CLCN1: variants seen among roughly 807,000 people sequenced by gnomAD.
CLCN1 encodes chloride channel protein 1.
A neutral mutation model predicts 114.5 loss-of-function variants in CLCN1; 100 were observed. The ratio of observed to expected loss-of-function variants is 0.87; its 90% confidence interval spans 0.74 to 1.03. The LOEUF is 1.03. CLCN1 is among the 50% of genes least tolerant of loss of function. The pLI, the probability that CLCN1 is intolerant of heterozygous loss-of-function variation, is 0.00. For missense variants in CLCN1, 1,188 were observed against 1,250.0 expected, an observed-to-expected ratio of 0.95 and a Z score of 0.75; for synonymous variants, 485 against 487.1, an observed-to-expected ratio of 1.00 and a Z score of 0.06.
chr7:143,323,360 A>G lies in CLCN1; in HGVS notation c.748A>G (p.Met250Val). 6.2e-7 allele frequency: 1 copy of G among 1,613,088 alleles called. No homozygotes were observed. The highest frequency in any genetic ancestry group is 8.5e-7 in the Non-Finnish European group (1 of 1,179,562). Reference sequence around the variant, plus strand: ...CTGTGCTGCTGTCCTCAGCAAATTCATGTCTGTGTTCTGCGGGGTATATGA... The same window carrying G: ...CTGTGCTGCTGTCCTCAGCAAATTCGTGTCTGTGTTCTGCGGGGTATATGA... ...SICAAVLSKF[M>V]SVFCGVYEQP... The change falls in exon 6 of 23, where the codon ATG (methionine) becomes GTG (valine). Residue 250 changes from methionine (M) to valine (V), a missense_variant. By Grantham distance (21) the Met-to-Val change is conservative. Coordinates refer to ENST00000343257, the MANE Select transcript of CLCN1 (RefSeq NM_000083.3).
At position 143,316,378 on chromosome 7, in the gene CLCN1, G is replaced by A. The variant is rs202120426; in HGVS notation, c.166G>A (p.Val56Ile). 1.1e-5 allele frequency: 18 copies of A among 1,612,942 alleles called. No individual in the cohort carries two copies. The highest frequency in any genetic ancestry group is 1.6e-4 in the Middle Eastern group (1 of 6,084). Residue 56 changes from valine (V) to isoleucine (I), a missense_variant, in exon 1 of 23, where the codon GTC (valine) becomes ATC (isoleucine). By Grantham distance (29) the Val-to-Ile change is conservative (BLOSUM62 3). Transcript: ENST00000343257. ...LRKDAGPRHN[V>I]HPTQIYGHHK... ...GAAGGATGCAGGCCCCCGCCACAAC[G>A]TCCACCCCACACAGGTAAAGTGCTC...
In CLCN1 at chr7:143,324,243, A is replaced by G. The variant is rs1433824305; in HGVS notation, c.775-171A>G. 1.3e-5 allele frequency among the ~76,000 whole-genome samples: 2 copies of G among 151,932 alleles called. No homozygotes were observed. The highest frequency in any genetic ancestry group is 3.9e-4 in the East Asian group (2 of 5,174). ...CTATGAGGTTAATTCCTTTTTGCCA[A>G]ACTCACTGAGTTTCTCTTGGCCTGG... On this transcript the variant is annotated intron_variant, in intron 6 of 22. Transcript: ENST00000343257. This position sits in a 1 kb window ranked among gnomAD's most constrained non-coding sequence, Gnocchi z 4.6.
intron 7 of CLCN1, among the ~76,000 whole-genome samples, chr7:143,329,377 A>G (rs1440794414): frequency 6.6e-6 from 1 of 152,176 alleles, no homozygotes; most frequent in African/African-American, 2.4e-5. Context: ...TGAAGGACGG[A>G]TGGTTTCGAC....
intron 10 of CLCN1, 103 bp downstream of exon 10, chr7:143,331,755 C>T (rs763748742): frequency 6.2e-6 from 5 of 805,278 alleles, no homozygotes; most frequent in Non-Finnish European, 1.1e-5. Flanking sequence ...CTCTGGGTGG[C>T]TTGCATTAAA....
chr7:143,330,707 G>A (rs1802697271), intron 7 of CLCN1, 65 bp from the exon 8 acceptor site: 1 of 1,610,024 alleles, frequency 6.2e-7, no homozygotes, highest in South Asian at 1.1e-5. Context: ...GGTCCAAGCA[G>A]TGGGGAGTGT....
At position 143,316,207 on chromosome 7, in the gene CLCN1, G is replaced by A. The variant is rs1802287341; in HGVS notation, c.-6G>A. On this transcript the variant is annotated 5_prime_UTR_variant, in exon 1 of 23. Coordinates refer to ENST00000343257, the MANE Select transcript of CLCN1 (RefSeq NM_000083.3). ...AAGGCCTGGCCGGGGCTCGGGGGGA[G>A]GGAATATGGAGCAATCCCGGTCACA... The A allele has an allele frequency of 1.2e-6, 2 of 1,611,210 alleles. No individual in the cohort carries two copies. Among genetic ancestry groups the A allele is most frequent in the Middle Eastern group, 1.7e-4 (1 of 6,060 alleles).
rs202119213 is a variant in CLCN1 at position 143,332,457 on chromosome 7, C to T, written c.1205C>T (p.Ala402Val). 7.5e-5 allele frequency: 121 copies of T among 1,614,076 alleles called. No individual in the cohort carries two copies. The East Asian group carries it at 2.4e-3, about 32-fold the overall frequency. ...CCTGGAATTGTTACCTTTGTCATTGCCTCATTCACCTTCCCACCAGGAATG... is the reference window on the plus strand; with the variant it reads ...CCTGGAATTGTTACCTTTGTCATTGTCTCATTCACCTTCCCACCAGGAATG... ...LYPGIVTFVI[A>V]SFTFPPGMGQ... is the part of the protein sequence containing the mutation. The change falls in exon 11 of 23, where the codon GCC (alanine) becomes GTC (valine). Residue 402 changes from alanine (A) to valine (V), a missense_variant. Coordinates refer to ENST00000343257, the MANE Select transcript of CLCN1 (RefSeq NM_000083.3).
chr7:143,324,642 T>C lies in CLCN1; in HGVS notation c.853+150T>C. The C allele has an allele frequency of 2.8e-6, 2 of 715,838 alleles. No individual in the cohort carries two copies. Among genetic ancestry groups the C allele is most frequent in the South Asian group, 3.0e-5 (2 of 66,910 alleles). The allele number at this position is 715,838 out of a possible 1,614,324, so 44.3% of individuals were successfully genotyped here. A position where few individuals can be genotyped will look rare whatever the true frequency, so the allele number is the denominator to read the frequency against. On this transcript the variant is annotated intron_variant, in intron 7 of 22. Transcript: ENST00000343257. The surrounding 1 kb of genome is among the most constrained non-coding windows in gnomAD (Gnocchi z 4.6). ...GCCTTTGCTATGTGCCAGGCAATGTTTAAAGCACTTACTTTTATTCCTGGC... is the reference window on the plus strand; with the variant it reads ...GCCTTTGCTATGTGCCAGGCAATGTCTAAAGCACTTACTTTTATTCCTGGC...
rs1803094371 is a variant in CLCN1, at chr7:143,342,086, C to T, written c.1740C>T (p.Ser580=). Residue 580 remains serine, a synonymous_variant, in exon 15 of 23, where the codon AGC becomes AGT. Transcript: ENST00000343257. ...GCCTGCAGCCCTCTCTCTATGACAG[C>T]ATCATCCAGGTCAAGAAGCTACCCT... ...AQSLQPSLYD[S]IIQVKKLPYL... 6 of 1,614,206 alleles carry T rather than the reference C, an allele frequency of 3.7e-6. No individual in the cohort carries two copies. The highest frequency in any genetic ancestry group is 1.3e-5 in the African/African-American group (1 of 75,056).
At chr7:143,341,554 G>A (rs1675709745) in intron 14 of CLCN1, among the ~76,000 whole-genome samples, 1 of 135,006 alleles carries the variant, frequency 7.4e-6, no homozygotes, top group African/African-American at 2.9e-5. Context: ...GTGAGACTCT[G>A]CCTCAAATAA....
chr7:143,341,867 A>C lies in CLCN1; in HGVS notation c.1583-62A>C, dbSNP rs117799198. 0.048 allele frequency: 62,826 copies of C among 1,318,930 alleles called. 1,707 individuals are homozygous for C. The highest frequency in any genetic ancestry group is 0.078 in the Middle Eastern group (307 of 3,936). 81.7% of individuals were successfully genotyped at this position (1,318,930 alleles called of 1,614,324 possible). A position where few individuals can be genotyped will look rare whatever the true frequency, so the allele number is the denominator to read the frequency against. Reference sequence around the variant, plus strand: ...TCCGTGTTATTCCCATCCCATCCCCATATGTCCTTCATGCTAAGAACGGTA... The same window carrying C: ...TCCGTGTTATTCCCATCCCATCCCCCTATGTCCTTCATGCTAAGAACGGTA... On this transcript the variant is annotated intron_variant, in intron 14 of 22. Coordinates refer to ENST00000343257, the MANE Select transcript of CLCN1 (RefSeq NM_000083.3).
Position 143,316,326 on chromosome 7 carries a change from G to T in CLCN1, c.114G>T (p.Glu38Asp), listed in dbSNP as rs1347626545. 6.2e-7 allele frequency: 1 copy of T among 1,613,190 alleles called. No individual in the cohort carries two copies. Among genetic ancestry groups the T allele is most frequent in the East Asian group, 2.2e-5 (1 of 44,868 alleles). ...GCACCAGCTACGGACTGCCCTCTGA[G>T]AATGGGGGCCTCCAGCACAGGCTCC... ...EHCTSYGLPS[E>D]NGGLQHRLRK... Residue 38 changes from glutamate to aspartate, a missense_variant, in exon 1 of 23, where the codon GAG becomes GAT. Coordinates refer to ENST00000343257, the MANE Select transcript of CLCN1 (RefSeq NM_000083.3).
intron 8 of CLCN1, 103 bp from the exon 9 acceptor site, chr7:143,331,129 G>C: frequency 9.4e-7 from 1 of 1,060,186 alleles, no homozygotes; most frequent in Non-Finnish European, 1.5e-6. Flanking sequence ...GAGAAACTGG[G>C]ATTGGAGGAA....
intron 12 of CLCN1, among the ~76,000 whole-genome samples, chr7:143,334,906 G>A (rs1334793158): frequency 1.3e-5 from 2 of 152,144 alleles, no homozygotes; most frequent in Admixed American, 1.3e-4. Context: ...TCATTATAGA[G>A]TTCATCTTCT....
Position 143,323,648 on chromosome 7 carries a change from C to T in CLCN1, c.774+262C>T. ...TGGAGGTCTGGTCTGTCGTCTGCTC[C>T]CATGCTCTCCCTGCTAGTCCATACC... is the stretch of plus-strand genomic sequence containing the variant. On this transcript the variant is annotated intron_variant, in intron 6 of 22. Transcript: ENST00000343257. 2 of 631,550 alleles carry T rather than the reference C, an allele frequency of 3.2e-6. 1 individual carries two copies. Among genetic ancestry groups the T allele is most frequent in the East Asian group, 6.9e-5 (2 of 29,088 alleles). 39.1% of individuals were successfully genotyped at this position (631,550 alleles called of 1,614,324 possible). A position where few individuals can be genotyped will look rare whatever the true frequency, so the allele number is the denominator to read the frequency against.
At chr7:143,318,341 G>A (rs1056191630) in intron 1 of CLCN1, among the ~76,000 whole-genome samples, 6 of 152,060 alleles carry the variant, frequency 3.9e-5, no homozygotes, top group South Asian at 2.1e-4. Flanking sequence ...TCCTGCCTCC[G>A]CCTCCCAGGT....
At chr7:143,342,617 C>T in intron 16 of CLCN1, 112 bp downstream of exon 16, 1 of 1,088,104 alleles carries the variant, frequency 9.2e-7, no homozygotes, top group Non-Finnish European at 1.4e-6. Context: ...ATCCAATGTG[C>T]TATGTACAAG....
intron 9 of CLCN1, 70 bp downstream of exon 9, chr7:143,331,386 C>G (rs1802720168): frequency 7.8e-7 from 1 of 1,285,340 alleles, no homozygotes; most frequent in African/African-American, 1.5e-5. Context: ...GGAAGGGACC[C>G]AAGCTAGAAA....
At chr7:143,344,931 G>A (rs1444025420) in intron 16 of CLCN1, among the ~76,000 whole-genome samples, 1 of 151,654 alleles carries the variant, frequency 6.6e-6, no homozygotes, top group Non-Finnish European at 1.5e-5. Flanking sequence ...TTTTATTTTT[G>A]GTAGAGACGG....
Sources: allele counts gnomAD v4.1 joint callset (sites outside exome capture counted in the v4.1 genomes callset), GRCh38; gene constraint gnomAD v4.1.1; non-coding constraint Gnocchi (gnomAD v3.1); transcripts MANE v1.5; gene names NCBI Gene and HGNC (gene_info 2026-07-23, HGNC 2026-07-21).